Variants in RIMS1 observed in about 807,000 individuals in gnomAD.
RIMS1 encodes regulating synaptic membrane exocytosis 1.
A neutral mutation model predicts 214.1 loss-of-function variants in RIMS1; 83 were observed. The observed-to-expected ratio is 0.39, with a 90% confidence interval of 0.32 to 0.47. The LOEUF is 0.47. Ranked by LOEUF, RIMS1 falls within the 20% of genes least tolerant of loss-of-function variation. RIMS1 has a pLI of 0.99. For missense variants in RIMS1, 2,050 were observed against 2,161.8 expected, an observed-to-expected ratio of 0.95 and a Z score of 1.03; for synonymous variants, 793 against 786.8, an observed-to-expected ratio of 1.01 and a Z score of -0.13.
intron 6 of RIMS1, among the ~76,000 whole-genome samples, chr6:72,205,858 T>C (rs1286628921): frequency 2.6e-5 from 4 of 152,120 alleles, no homozygotes; most frequent in African/African-American, 4.8e-5. Context: ...TATAGGAATA[T>C]TGTGTAGCCA....
chr6:72,244,679 A>G (rs1190281799), intron 10 of RIMS1, among the ~76,000 whole-genome samples: 2 of 151,834 alleles, frequency 1.3e-5, no homozygotes, highest in Non-Finnish European at 3.0e-5. Context: ...GTATAGTCAT[A>G]CAAAAATATA....
intron 1 of RIMS1, among the ~76,000 whole-genome samples, chr6:71,915,691 A>G (rs1176186842): frequency 1.3e-5 from 2 of 152,162 alleles, no homozygotes; most frequent in Non-Finnish European, 2.9e-5. Flanking sequence ...CTCATGTTAT[A>G]TATATAAAGC....
intron 1 of RIMS1, among the ~76,000 whole-genome samples, chr6:71,949,902 A>T (rs941212665): frequency 6.6e-6 from 1 of 152,200 alleles, no homozygotes; most frequent in Non-Finnish European, 1.5e-5. Context: ...CTTCACAAAG[A>T]CATGGCTTCA....
chr6:72,014,737 C>T (rs1584942802), intron 2 of RIMS1, among the ~76,000 whole-genome samples: 1 of 152,162 alleles, frequency 6.6e-6, no homozygotes, highest in Non-Finnish European at 1.5e-5. Flanking sequence ...TCTAATTTTT[C>T]CACATCCTTG....
At chr6:71,909,497 T>G (rs1776282032) in intron 1 of RIMS1, among the ~76,000 whole-genome samples, 1 of 152,136 alleles carries the variant, frequency 6.6e-6, no homozygotes, top group Admixed American at 6.6e-5. Context: ...ATTCCTTGAT[T>G]CTAATCTTGA....
intron 2 of RIMS1, among the ~76,000 whole-genome samples, chr6:71,989,598 G>A (rs1800980870): frequency 6.6e-6 from 1 of 152,170 alleles, no homozygotes; most frequent in Non-Finnish European, 1.5e-5. Flanking sequence ...GCAAACAGTT[G>A]CAATCAATTT....
intron 1 of RIMS1, among the ~76,000 whole-genome samples, chr6:71,893,158 T>G (rs1395646546): frequency 1.3e-5 from 2 of 152,196 alleles, no homozygotes; most frequent in Admixed American, 1.3e-4. Flanking sequence ...CTAGGGGGCT[T>G]GGGAAGATGA....
chr6:72,363,518 T>G (rs1294400602), intron 29 of RIMS1, among the ~76,000 whole-genome samples: 1 of 152,092 alleles, frequency 6.6e-6, no homozygotes, highest in Admixed American at 6.5e-5. Flanking sequence ...GAAAATGAGT[T>G]AGGATGAAGA....
chr6:72,125,107 C>T (rs929010087), intron 4 of RIMS1, among the ~76,000 whole-genome samples: 6 of 152,198 alleles, frequency 3.9e-5, no homozygotes, highest in African/African-American at 1.4e-4. Flanking sequence ...TTCTCCACAT[C>T]TTTCTGGTTT....
chr6:72,025,191 C>A (rs1036362345), intron 2 of RIMS1, among the ~76,000 whole-genome samples: 2 of 152,160 alleles, frequency 1.3e-5, no homozygotes, highest in African/African-American at 4.8e-5. Context: ...ACATGAGCCA[C>A]CGCACCTGGC....
chr6:72,059,496 T>C (rs1488661389), intron 2 of RIMS1, among the ~76,000 whole-genome samples: 1 of 152,190 alleles, frequency 6.6e-6, no homozygotes, highest in Non-Finnish European at 1.5e-5. Context: ...CCCAAAGTGC[T>C]GGAATTACAG....
chr6:72,071,041 A>T (rs190865690), intron 2 of RIMS1, among the ~76,000 whole-genome samples: 3 of 152,364 alleles, frequency 2.0e-5, no homozygotes, highest in Admixed American at 6.5e-5. Context: ...AGATGTCCTC[A>T]GGAAAAAGTT....
chr6:72,119,268 G>A (rs1169433730), intron 4 of RIMS1, among the ~76,000 whole-genome samples: 1 of 151,554 alleles, frequency 6.6e-6, no homozygotes, highest in East Asian at 1.9e-4. Context: ...GCAGGTAAAA[G>A]ACCTGTACAA....
At chr6:72,275,120 G>GTATA (rs10526446) in intron 23 of RIMS1, among the ~76,000 whole-genome samples, 1 of 81,530 alleles carries the variant, frequency 1.2e-5, no homozygotes, top group Non-Finnish European at 2.5e-5. Context: ...CTATTTTATG[G>GTATA]TATATATATA....
intron 4 of RIMS1, among the ~76,000 whole-genome samples, chr6:72,129,954 C>T (rs575534200): frequency 6.6e-6 from 1 of 152,034 alleles, no homozygotes; most frequent in Non-Finnish European, 1.5e-5. Flanking sequence ...TTCTATGACT[C>T]CTTCTTTACA....
At chr6:71,913,550 A>T (rs1777521632) in intron 1 of RIMS1, among the ~76,000 whole-genome samples, 2 of 152,128 alleles carry the variant, frequency 1.3e-5, no homozygotes, top group South Asian at 4.1e-4. Context: ...CCTTAAATAG[A>T]AAACAGTTAC....
intron 29 of RIMS1, among the ~76,000 whole-genome samples, chr6:72,378,916 C>T (rs760025561): frequency 2.9e-4 from 44 of 152,092 alleles, no homozygotes; most frequent in Non-Finnish European, 5.4e-4. Flanking sequence ...ATTTAATAAA[C>T]GGTGTTTATT....
At chr6:71,953,712 A>T (rs144043386) in intron 1 of RIMS1, among the ~76,000 whole-genome samples, 1 of 152,316 alleles carries the variant, frequency 6.6e-6, no homozygotes, top group African/African-American at 2.4e-5. Context: ...GAAATAGCTT[A>T]ATTTAGTGAC....
At chr6:72,286,955 A>G (rs1056164573) in intron 24 of RIMS1, among the ~76,000 whole-genome samples, 7 of 152,240 alleles carry the variant, frequency 4.6e-5, no homozygotes, top group Admixed American at 1.3e-4. Context: ...TTAGGAGACA[A>G]GTAGAACTGA....
Sources: gnomAD v4.1 joint callset for allele counts (sites outside exome capture counted in the v4.1 genomes callset) on GRCh38, gnomAD v4.1.1 for gene constraint, MANE v1.5 for transcripts, NCBI Gene and HGNC (gene_info 2026-07-23, HGNC 2026-07-21) for gene names.